The following PSEN1 variants were observed in gnomAD, a reference collection of about 807,000 sequenced individuals.
PSEN1 encodes the protein presenilin-1.
A neutral mutation model predicts 53.5 loss-of-function variants in PSEN1; 15 were observed. The ratio of observed to expected loss-of-function variants is 0.28; its 90% confidence interval spans 0.19 to 0.43. The LOEUF is 0.43. Ranked by LOEUF, PSEN1 falls within the 20% of genes least tolerant of loss-of-function variation. PSEN1 has a pLI of 1.00. For missense variants in PSEN1, 387 were observed against 571.2 expected (o/e 0.68, Z 3.29); for synonymous variants, 208 against 209.8 (o/e 0.99, Z 0.08).
At chr14:73,146,088 A>C (rs1897062012) in intron 1 of PSEN1, 1 of 152,110 alleles carries the variant, frequency 6.6e-6, no homozygotes, top group South Asian at 2.1e-4. Flanking sequence ...CCTGGGTGAC[A>C]GAGCAAGACT....
intron 7 of PSEN1, among the ~76,000 whole-genome samples, chr14:73,196,298 A>G (rs1029750745): frequency 2.6e-5 from 4 of 152,076 alleles, no homozygotes; most frequent in Admixed American, 2.6e-4. Context: ...TCATCACTTC[A>G]GAGCAGGGCA....
intron 11 of PSEN1, among the ~76,000 whole-genome samples, chr14:73,218,445 A>T (rs1330668743): frequency 3.3e-5 from 5 of 152,184 alleles, no homozygotes; most frequent in Admixed American, 2.6e-4. Flanking sequence ...TTTACTAAAG[A>T]TGTGTTATCT....
intron 3 of PSEN1, among the ~76,000 whole-genome samples, chr14:73,155,790 A>G (rs2139996526): frequency 6.6e-6 from 1 of 152,174 alleles, no homozygotes; most frequent in Admixed American, 6.5e-5. Flanking sequence ...AAGCATACAG[A>G]TTTTTTAGGG....
intron 9 of PSEN1, among the ~76,000 whole-genome samples, chr14:73,206,901 A>G (rs1899478737): frequency 6.6e-6 from 1 of 152,252 alleles, no homozygotes; most frequent in African/African-American, 2.4e-5. Flanking sequence ...TATAAACAAC[A>G]TAAAAATGAG....
chr14:73,183,240 CCCAAAT>C (rs1332046075), intron 5 of PSEN1, among the ~76,000 whole-genome samples: 14 of 152,232 alleles, frequency 9.2e-5, no homozygotes, highest in Admixed American at 2.0e-4. Flanking sequence ...GCCTCAGCCT[CCCAAAT>C]AGCTGGGACT....
chr14:73,139,567 G>A (rs369122709), intron 1 of PSEN1, among the ~76,000 whole-genome samples: 218 of 151,866 alleles, frequency 1.4e-3, no homozygotes, highest in African/African-American at 5.0e-3. Flanking sequence ...GCTACAGAGC[G>A]AGACTCCATA....
At chr14:73,141,453 A>G (rs1896923018) in intron 1 of PSEN1, among the ~76,000 whole-genome samples, 1 of 152,178 alleles carries the variant, frequency 6.6e-6, no homozygotes, top group Non-Finnish European at 1.5e-5. Flanking sequence ...TCTTTTGAGG[A>G]TGTATTCCTA....
intron 3 of PSEN1, among the ~76,000 whole-genome samples, chr14:73,158,282 TTCTATCTATCTATCTATCTA>T (rs56240305): frequency 6.4e-5 from 9 of 141,574 alleles, no homozygotes; most frequent in South Asian, 2.3e-4. Context: ...TAACTTTTTT[TTCTATCTATCTATCTATCTA>T]TCTATCTATC....
rs891029498 is a variant in PSEN1 at position 73,223,166 on chromosome 14, C to T, written c.*3877C>T. 1 of 152,226 alleles carries T rather than the reference C, an allele frequency of 6.6e-6. No individual in the cohort carries two copies. Among genetic ancestry groups the T allele is most frequent in the African/African-American group, 2.4e-5 (1 of 41,458 alleles). The allele number at this position is 152,226 out of a possible 1,614,324, so 9.4% of individuals were successfully genotyped here. A position where few individuals can be genotyped will look rare whatever the true frequency, so the allele number is the denominator to read the frequency against. ...TCTGCATGTGATCATCTGCATAGTCCTCTCCTCTAACGGGAAACACCTCAG... is the reference window on the plus strand; with the variant it reads ...TCTGCATGTGATCATCTGCATAGTCTTCTCCTCTAACGGGAAACACCTCAG... On this transcript the variant is annotated 3_prime_UTR_variant, in exon 12 of 12. Coordinates refer to ENST00000324501, the MANE Select transcript of PSEN1 (RefSeq NM_000021.4).
intron 5 of PSEN1, among the ~76,000 whole-genome samples, chr14:73,181,178 G>T (rs866718347): frequency 6.6e-6 from 1 of 152,126 alleles, no homozygotes; most frequent in Non-Finnish European, 1.5e-5. Flanking sequence ...GGTGGCTCAC[G>T]CATGTAATCC....
chr14:73,187,044 G>A (rs2140080990), intron 6 of PSEN1, 124 bp downstream of exon 6: 1 of 789,956 alleles, frequency 1.3e-6, no homozygotes, highest in Non-Finnish European at 2.2e-6. Flanking sequence ...CCACATATAG[G>A]TCATACTTGG....
At chr14:73,161,240 G>T (rs527844386) in intron 3 of PSEN1, among the ~76,000 whole-genome samples, 16 of 152,182 alleles carry the variant, frequency 1.1e-4, no homozygotes, top group Admixed American at 7.9e-4. Context: ...CTCCCAAACT[G>T]CTGGGGTTGT....
At position 73,147,980 on chromosome 14, in the gene PSEN1, TTTG is replaced by T. The variant is rs1362240047; in HGVS notation, c.-37_-35del. 1.3e-6 allele frequency: 2 copies of T among 1,526,416 alleles called. No homozygotes were observed. Among genetic ancestry groups the T allele is most frequent in the Non-Finnish European group, 1.8e-6 (2 of 1,100,460 alleles). 94.6% of individuals were successfully genotyped at this position (1,526,416 alleles called of 1,614,324 possible). On this transcript the variant is annotated 5_prime_UTR_variant, in exon 3 of 12. Coordinates refer to ENST00000324501, the MANE Select transcript of PSEN1 (RefSeq NM_000021.4). Reference sequence around the variant, plus strand: ...TTCCCTTTTCAGAACCTCAAGAGGCTTTGTTTTCTGTGAAACAGTATTTCTATA... The same window carrying T: ...TTCCCTTTTCAGAACCTCAAGAGGCTTTTTCTGTGAAACAGTATTTCTATA...
intron 7 of PSEN1, among the ~76,000 whole-genome samples, chr14:73,194,796 C>T (rs1378145680): frequency 2.0e-5 from 3 of 151,482 alleles, no homozygotes; most frequent in Non-Finnish European, 4.4e-5. Context: ...TCTCGATCTC[C>T]TGACCTCATG....
At chr14:73,193,574 A>G (rs1440678847) in intron 7 of PSEN1, among the ~76,000 whole-genome samples, 1 of 151,668 alleles carries the variant, frequency 6.6e-6, no homozygotes, top group East Asian at 1.9e-4. Context: ...AGCAAAAAAA[A>G]AAAAGCACAA....
At chr14:73,181,303 G>A (rs765053487) in intron 5 of PSEN1, among the ~76,000 whole-genome samples, 5 of 152,184 alleles carry the variant, frequency 3.3e-5, no homozygotes, top group Non-Finnish European at 7.3e-5. Context: ...TTAGCTGGGC[G>A]TGGTGGCGAG....
intron 3 of PSEN1, among the ~76,000 whole-genome samples, chr14:73,170,221 T>G (rs1055966493): frequency 6.6e-5 from 10 of 152,200 alleles, no homozygotes; most frequent in Admixed American, 3.9e-4. Context: ...GCAACCAGTT[T>G]TATCAGCAAG....
intron 9 of PSEN1, among the ~76,000 whole-genome samples, chr14:73,209,904 C>A (rs1025944626): frequency 6.6e-6 from 1 of 152,122 alleles, no homozygotes; most frequent in African/African-American, 2.4e-5. Flanking sequence ...GTGGGACTTT[C>A]CCTCATATTG....
At chr14:73,219,054 C>T in intron 11 of PSEN1, 80 bp from the exon 12 acceptor site, 1 of 1,473,356 alleles carries the variant, frequency 6.8e-7, no homozygotes, top group Non-Finnish European at 9.5e-7. Context: ...ATGTTAAAAA[C>T]CAAGACTTGT....
Sources: allele counts gnomAD v4.1 joint callset (sites outside exome capture counted in the v4.1 genomes callset), GRCh38; gene constraint gnomAD v4.1.1; transcripts MANE v1.5; gene names NCBI Gene and HGNC (gene_info 2026-07-23, HGNC 2026-07-21).